LRP1: variants seen among roughly 807,000 people sequenced by gnomAD.
The protein encoded by LRP1 is prolow-density lipoprotein receptor-related protein 1.
LRP1 carries 51 observed loss-of-function variants against 541.5 expected under a neutral mutation model. That is an observed-to-expected ratio of 0.09 (90% CI 0.08 to 0.12). The LOEUF is 0.12. LRP1 is among the 10% of genes least tolerant of loss of function. The probability of loss-of-function intolerance (pLI) is 1.00; values close to 1 mark genes in which losing one functional copy is unlikely to be tolerated. For synonymous variants in LRP1, 2,219 were observed against 2,470.8 expected (o/e 0.90, Z 3.02); for missense variants, 3,878 against 6,376.2 (o/e 0.61, Z 13.34).
chr12:57,182,094 A>C (rs1158820616), intron 34 of LRP1, among the ~76,000 whole-genome samples: 2 of 151,006 alleles, frequency 1.3e-5, no homozygotes, highest in African/African-American at 4.9e-5. Flanking sequence ...TTGACCATTC[A>C]TTTTTTTTTC....
Position 57,177,381 on chromosome 12 carries a change from C to A in LRP1, c.4197-46C>A. The A allele has an allele frequency of 6.4e-7, 1 of 1,564,178 alleles. No individual in the cohort carries two copies. The highest frequency in any genetic ancestry group is 1.2e-5 in the South Asian group (1 of 82,714). On this transcript the variant is annotated intron_variant, in intron 25 of 88. Transcript: ENST00000243077. This position sits in a 1 kb window ranked among gnomAD's most constrained non-coding sequence, Gnocchi z 6.8. Reference sequence around the variant, plus strand: ...CCTACGATCCCACCACAGTCGCTCCCTGAGGGCCCTGACTTTAGCCCTCCT... The same window carrying A: ...CCTACGATCCCACCACAGTCGCTCCATGAGGGCCCTGACTTTAGCCCTCCT...
chr12:57,179,127 T>G lies in LRP1; in HGVS notation c.4738+106T>G, dbSNP rs1592635989. The G allele has an allele frequency of 6.8e-6, 10 of 1,468,422 alleles. No individual in the cohort carries two copies. The highest frequency in any genetic ancestry group is 9.1e-6 in the Non-Finnish European group (10 of 1,093,126). The allele number at this position is 1,468,422 out of a possible 1,614,324, so 91.0% of individuals were successfully genotyped here. A position where few individuals can be genotyped will look rare whatever the true frequency, so the allele number is the denominator to read the frequency against. On this transcript the variant is annotated intron_variant, in intron 28 of 88. Coordinates refer to ENST00000243077, the MANE Select transcript of LRP1 (RefSeq NM_002332.3). This position sits in a 1 kb window ranked among gnomAD's most constrained non-coding sequence, Gnocchi z 6.8. ...TAAGGCAGAGTCCCAGTCGGGAGGG[T>G]CCCGATAGGAGAGGCTCCAGAGACA...
intron 2 of LRP1, 147 bp downstream of exon 2, chr12:57,138,728 C>G (rs2035225801): frequency 9.1e-7 from 1 of 1,094,192 alleles, no homozygotes; most frequent in South Asian, 1.7e-5. Context: ...CTAAAACTGT[C>G]CTTTACACCC....
At position 57,178,256 on chromosome 12, in the gene LRP1, G is replaced by A. The variant is rs1008580820; in HGVS notation, c.4362-103G>A. On this transcript the variant is annotated intron_variant, in intron 26 of 88. Coordinates refer to ENST00000243077, the MANE Select transcript of LRP1 (RefSeq NM_002332.3). This position sits in a 1 kb window ranked among gnomAD's most constrained non-coding sequence, Gnocchi z 5.8. ...GGGAGGGAATGGTCCCATGCTCTTC[G>A]CTGGGAGGGCTGTGGCCAGGGCCCA... The A allele has an allele frequency of 2.1e-5, 29 of 1,373,206 alleles. No individual in the cohort carries two copies. Among genetic ancestry groups the A allele is most frequent in the Middle Eastern group, 2.1e-4 (1 of 4,830 alleles). 85.1% of individuals were successfully genotyped at this position (1,373,206 alleles called of 1,614,324 possible). A position where few individuals can be genotyped will look rare whatever the true frequency, so the allele number is the denominator to read the frequency against.
chr12:57,194,253 A>G, intron 48 of LRP1, 101 bp from the exon 49 acceptor site: 2 of 1,358,750 alleles, frequency 1.5e-6, no homozygotes, highest in Non-Finnish European at 9.8e-7. Context: ...GGCACCGTTC[A>G]ACTTTTGGAA....
chr12:57,191,029 G>A lies in LRP1; in HGVS notation c.7236+20G>A. 1 of 1,600,790 alleles carries A rather than the reference G, an allele frequency of 6.2e-7. No individual in the cohort carries two copies. The highest frequency in any genetic ancestry group is 8.5e-7 in the Non-Finnish European group (1 of 1,176,302). On this transcript the variant is annotated intron_variant, in intron 43 of 88. Transcript: ENST00000243077. Reference sequence around the variant, plus strand: ...CGCTATGTGAGTCTGCGGGGTGGGTGAGCTGGCGGGCGGCTGAGGGGAGGC... The same window carrying A: ...CGCTATGTGAGTCTGCGGGGTGGGTAAGCTGGCGGGCGGCTGAGGGGAGGC...
rs34074602 is a variant in LRP1, at chr12:57,162,428, G to A, written c.2314G>A (p.Val772Ile). The A allele has an allele frequency of 1.0e-4, 162 of 1,614,148 alleles. 1 individual carries two copies. The African/African-American group carries it at 1.9e-3, about 19-fold the overall frequency. Reference sequence around the variant, plus strand: ...CAGTGTCTACCGCTTGGAACGGGGTGTAGGAGGCGCACCCCCCACTGTGAC... The same window carrying A: ...CAGTGTCTACCGCTTGGAACGGGGTATAGGAGGCGCACCCCCCACTGTGAC... ...SGSVYRLERGVGGAPPTVTLL... is the reference protein window; with the variant it reads ...SGSVYRLERGIGGAPPTVTLL... Residue 772 changes from valine to isoleucine, a missense_variant, in exon 14 of 89, where the codon GTA becomes ATA. Val to Ile is a conservative substitution (Grantham distance 29). Coordinates refer to ENST00000243077, the MANE Select transcript of LRP1 (RefSeq NM_002332.3). The surrounding 1 kb of genome is among the most constrained non-coding windows in gnomAD (Gnocchi z 5.2).
chr12:57,206,326 C>A lies in LRP1; in HGVS notation c.11591-147C>A. 2.4e-6 allele frequency: 2 copies of A among 820,106 alleles called. No homozygotes were observed. Among genetic ancestry groups the A allele is most frequent in the African/African-American group, 1.7e-5 (1 of 59,142 alleles). The allele number at this position is 820,106 out of a possible 1,614,324, so 50.8% of individuals were successfully genotyped here. ...CAGAGGCTGAGGTTGGAGCCTGCAA[C>A]CCTGAGCAGGGAGGGTAAGCAGCAG... On this transcript the variant is annotated intron_variant, in intron 75 of 88. Transcript: ENST00000243077. The surrounding 1 kb of genome is among the most constrained non-coding windows in gnomAD (Gnocchi z 4.7).
At chr12:57,159,272 A>C (rs1270754262) in intron 11 of LRP1, among the ~76,000 whole-genome samples, 1 of 152,140 alleles carries the variant, frequency 6.6e-6, no homozygotes, top group Non-Finnish European at 1.5e-5. Context: ...CCCCATCCAC[A>C]CTGTAGTTCA....
Position 57,158,007 on chromosome 12 carries a change from A to G in LRP1, c.1562-395A>G, listed in dbSNP as rs1192817881. Among the ~76,000 whole-genome samples, 1 of 152,176 alleles carries G rather than the reference A, an allele frequency of 6.6e-6. No homozygotes were observed. Among genetic ancestry groups the G allele is most frequent in the Non-Finnish European group, 1.5e-5 (1 of 68,034 alleles). On this transcript the variant is annotated intron_variant, in intron 10 of 88. Coordinates refer to ENST00000243077, the MANE Select transcript of LRP1 (RefSeq NM_002332.3). This position sits in a 1 kb window ranked among gnomAD's most constrained non-coding sequence, Gnocchi z 5.3. ...TGGGCAGTAGGGAAGTAGCCAGAAG[A>G]CTTTCAGTGTAGTGGGCAAGAAGTG...
At position 57,158,395 on chromosome 12, in the gene LRP1, G is replaced by T; in HGVS notation, c.1562-7G>T. 1 of 1,599,686 alleles carries T rather than the reference G, an allele frequency of 6.3e-7. No individual in the cohort carries two copies. Among genetic ancestry groups the T allele is most frequent in the Non-Finnish European group, 8.5e-7 (1 of 1,170,352 alleles). On this transcript the variant is annotated splice_polypyrimidine_tract_variant and splice_region_variant and intron_variant, in intron 10 of 88. Transcript: ENST00000243077. This position sits in a 1 kb window ranked among gnomAD's most constrained non-coding sequence, Gnocchi z 5.3. The stretch of plus-strand genomic sequence containing the variant: ...TCTGACTGTACCCTGGCTTGTGCCT[G>T]CTCTAGAGCCGGAGCATGAGCTGTT...
rs749184845 is a variant in LRP1, at chr12:57,185,818, A to G, written c.6751A>G (p.Thr2251Ala). The G allele has an allele frequency of 6.2e-7, 1 of 1,613,960 alleles. No individual in the cohort carries two copies. The highest frequency in any genetic ancestry group is 2.2e-5 in the East Asian group (1 of 44,886). Residue 2251 changes from threonine (T) to alanine (A), a missense_variant, in exon 41 of 89, where the codon ACC becomes GCC. By Grantham distance (58) the Thr-to-Ala change is moderately conservative (BLOSUM62 0). Around this residue, in one of 13 missense-constraint regions of LRP1, gnomAD observed 1,100 missense variants for 1,827.4 expected, o/e 0.60. Coordinates refer to ENST00000243077, the MANE Select transcript of LRP1 (RefSeq NM_002332.3). This position sits in a 1 kb window ranked among gnomAD's most constrained non-coding sequence, Gnocchi z 4.9. ...FDYRAGTSPG[T>A]PNRIFFSDIH... ...CTACCGGGCAGGCACCTCTCCGGGCACCCCCAATCGCATCTTCTTCAGCGA... is the reference window on the plus strand; with the variant it reads ...CTACCGGGCAGGCACCTCTCCGGGCGCCCCCAATCGCATCTTCTTCAGCGA...
In LRP1 at chr12:57,132,860, C is replaced by G. The variant is rs563706806; in HGVS notation, c.67+3829C>G. 7.7e-4 allele frequency among the ~76,000 whole-genome samples: 117 copies of G among 152,168 alleles called. 1 individual carries two copies. The highest frequency in any genetic ancestry group is 6.1e-3 in the Admixed American group (93 of 15,274). ...TCTCTCTGGGCTTTCCCACTCACCC[C>G]CTGGCTCCCTCCCCTCTGTTTTGGC... is the stretch of plus-strand genomic sequence containing the variant. On this transcript the variant is annotated intron_variant, in intron 1 of 88. Transcript: ENST00000243077.
chr12:57,205,326 G>A lies in LRP1; in HGVS notation c.11336-25G>A. 1.3e-6 allele frequency: 2 copies of A among 1,590,794 alleles called. No homozygotes were observed. The highest frequency in any genetic ancestry group is 1.7e-6 in the Non-Finnish European group (2 of 1,166,532). ...CCTGGCCTGGGGTGGCTCAAGGGAGGGCATCCACTCTCTGTCCCCCACAGA... is the reference window on the plus strand; with the variant it reads ...CCTGGCCTGGGGTGGCTCAAGGGAGAGCATCCACTCTCTGTCCCCCACAGA... On this transcript the variant is annotated intron_variant, in intron 73 of 88. Transcript: ENST00000243077. This position sits in a 1 kb window ranked among gnomAD's most constrained non-coding sequence, Gnocchi z 4.6.
In LRP1 at chr12:57,204,530, G is replaced by A. The variant is rs111877088; in HGVS notation, c.11071+1G>A. ...TCAGATGAGAACCCCGAGGAGTGTG[G>A]TGAGATTTGGGGCGGGGCTCCCAGG... On this transcript the variant is annotated splice_donor_variant, in intron 71 of 88. Coordinates refer to ENST00000243077, the MANE Select transcript of LRP1 (RefSeq NM_002332.3). LOFTEE classifies it high-confidence loss of function. The surrounding 1 kb of genome is among the most constrained non-coding windows in gnomAD (Gnocchi z 5.3). The A allele has an allele frequency of 6.2e-7, 1 of 1,605,248 alleles. No homozygotes were observed. The highest frequency in any genetic ancestry group is 8.5e-7 in the Non-Finnish European group (1 of 1,174,038).
intron 6 of LRP1, among the ~76,000 whole-genome samples, chr12:57,150,531 G>A (rs1427931771): frequency 6.6e-6 from 1 of 152,172 alleles, no homozygotes; most frequent in Non-Finnish European, 1.5e-5. Flanking sequence ...CCTTCTGGGA[G>A]CCTGAGCCGA....
At position 57,189,552 on chromosome 12, in the gene LRP1, C is replaced by T. The variant is rs183707132; in HGVS notation, c.7032-1253C>T. Among the ~76,000 whole-genome samples the T allele has an allele frequency of 1.2e-4, 18 of 152,180 alleles. No homozygotes were observed. The highest frequency in any genetic ancestry group is 5.8e-4 in the East Asian group (3 of 5,182). On this transcript the variant is annotated intron_variant, in intron 42 of 88. Coordinates refer to ENST00000243077, the MANE Select transcript of LRP1 (RefSeq NM_002332.3). The surrounding 1 kb of genome is among the most constrained non-coding windows in gnomAD (Gnocchi z 4.4). ...GGGGCAGAGCAGCACCATTTTCCTA[C>T]GTGAGCCCAGCAGAAGGCGGGATAG...
In LRP1 at chr12:57,184,700, G is replaced by A. The variant is rs2036234166; in HGVS notation, c.6187-139G>A. Reference sequence around the variant, plus strand: ...CTTATCAGCAGGGCAGTGGGCAGGAGTGTATGCAGGAGGCAGGAGTGAGTT... The same window carrying A: ...CTTATCAGCAGGGCAGTGGGCAGGAATGTATGCAGGAGGCAGGAGTGAGTT... On this transcript the variant is annotated intron_variant, in intron 38 of 88. Coordinates refer to ENST00000243077, the MANE Select transcript of LRP1 (RefSeq NM_002332.3). This position sits in a 1 kb window ranked among gnomAD's most constrained non-coding sequence, Gnocchi z 7.8. The A allele has an allele frequency of 9.9e-7, 1 of 1,008,900 alleles. No homozygotes were observed. The highest frequency in any genetic ancestry group is 1.4e-6 in the Non-Finnish European group (1 of 692,588). The allele number at this position is 1,008,900 out of a possible 1,614,324, so 62.5% of individuals were successfully genotyped here.
In LRP1 at chr12:57,205,295, C is replaced by A. The variant is rs1228279525; in HGVS notation, c.11335+46C>A. The A allele has an allele frequency of 1.9e-6, 3 of 1,594,168 alleles. No individual in the cohort carries two copies. The highest frequency in any genetic ancestry group is 8.6e-7 in the Non-Finnish European group (1 of 1,167,454). On this transcript the variant is annotated intron_variant, in intron 73 of 88. Coordinates refer to ENST00000243077, the MANE Select transcript of LRP1 (RefSeq NM_002332.3). This position sits in a 1 kb window ranked among gnomAD's most constrained non-coding sequence, Gnocchi z 4.6. ...GGACGCTGGTGGGGAGTGGGGAGAG[C>A]CAAGCCCTGGCCTGGGGTGGCTCAA...
Sources: allele counts gnomAD v4.1 joint callset (sites outside exome capture counted in the v4.1 genomes callset), GRCh38; gene constraint gnomAD v4.1.1; regional missense constraint gnomAD v4.1.1; non-coding constraint Gnocchi (gnomAD v3.1); transcripts MANE v1.5; gene names NCBI Gene and HGNC (gene_info 2026-07-23, HGNC 2026-07-21).